GRIN2B: variants seen among roughly 807,000 people sequenced by gnomAD.
GRIN2B encodes the protein glutamate receptor ionotropic, NMDA 2B.
A neutral mutation model predicts 114.5 loss-of-function variants in GRIN2B; 5 were observed. The observed-to-expected ratio is 0.04, with a 90% CI of 0.02 to 0.09. The LOEUF (loss-of-function observed/expected upper bound fraction) is 0.09, where lower values mean the gene tolerates loss of function less well. GRIN2B is among the 10% of genes least tolerant of loss of function. The pLI, the probability that GRIN2B is intolerant of heterozygous loss-of-function variation, is 1.00. For missense variants in GRIN2B, 1,108 were observed against 1,943.5 expected (o/e 0.57, Z 8.08); for synonymous variants, 787 against 745.1 (o/e 1.06, Z -0.92).
At chr12:13,961,485 A>G (rs1323593900) in intron 2 of GRIN2B, among the ~76,000 whole-genome samples, 1 of 152,254 alleles carries the variant, frequency 6.6e-6, no homozygotes, top group Non-Finnish European at 1.5e-5. Flanking sequence ...GCAAGAATCC[A>G]TAAATCCAAC....
chr12:13,948,196 ACCACATTG>A lies in GRIN2B; in HGVS notation c.-19+31724_-19+31731del, dbSNP rs557765489. Among the ~76,000 whole-genome samples, 28 of 152,264 alleles carry A rather than the reference ACCACATTG, an allele frequency of 1.8e-4. No individual in the cohort carries two copies. The East Asian group carries it at 4.4e-3, about 24-fold the overall frequency. ...GAAAGAAGGTTCTGGGGCAAATATA[ACCACATTG>A]CCTCACAGAAAAAGCCTAAAGAAAG... On this transcript the variant is annotated intron_variant, in intron 2 of 13. Coordinates refer to ENST00000609686, the MANE Select transcript of GRIN2B (RefSeq NM_000834.5).
intron 12 of GRIN2B, among the ~76,000 whole-genome samples, chr12:13,568,724 G>T (rs1018178084): frequency 6.6e-6 from 1 of 152,202 alleles, no homozygotes; most frequent in Non-Finnish European, 1.5e-5. Context: ...CAAGGGTCTG[G>T]CTGCTCATCC....
chr12:13,836,891 T>C (rs1200902747), intron 3 of GRIN2B, among the ~76,000 whole-genome samples: 1 of 152,232 alleles, frequency 6.6e-6, no homozygotes, highest in Non-Finnish European at 1.5e-5. Context: ...GGTAACCTGA[T>C]GAGCCCCGTA....
rs1948553764 is a variant in GRIN2B at position 13,562,168 on chromosome 12, C to T, written c.*615G>A. 1 of 153,696 alleles carries T rather than the reference C, an allele frequency of 6.5e-6. No individual in the cohort carries two copies. The highest frequency in any genetic ancestry group is 1.9e-4 in the East Asian group (1 of 5,202). The allele number at this position is 153,696 out of a possible 1,614,324, so 9.5% of individuals were successfully genotyped here. A position where few individuals can be genotyped will look rare whatever the true frequency, so the allele number is the denominator to read the frequency against. ...AATGACCTTTTGTTCTGTTCACCAC[C>T]ACTATCGAGTCTCATGGGGTTGAAG... On this transcript the variant is annotated 3_prime_UTR_variant, in exon 14 of 14. Coordinates refer to ENST00000609686, the MANE Select transcript of GRIN2B (RefSeq NM_000834.5).
At position 13,546,186 on chromosome 12, in the gene GRIN2B, C is replaced by T. The variant is rs4764009; in HGVS notation, c.*16597G>A. On this transcript the variant is annotated 3_prime_UTR_variant, in exon 14 of 14. Coordinates refer to ENST00000609686, the MANE Select transcript of GRIN2B (RefSeq NM_000834.5). ...TTCAGTTCTCAGTGCCCCTTGGCTT[C>T]CCAATTTAAGTCAATGTAATCACAA... 38,723 of 152,116 alleles carry T rather than the reference C, an allele frequency of 0.25. 5,675 individuals are homozygous for T. The highest frequency in any genetic ancestry group is 0.51 in the East Asian group (2,641 of 5,168). 9.4% of individuals were successfully genotyped at this position (152,116 alleles called of 1,614,324 possible).
chr12:13,728,347 A>T (rs1863027233), intron 4 of GRIN2B, among the ~76,000 whole-genome samples: 1 of 152,178 alleles, frequency 6.6e-6, no homozygotes, highest in Admixed American at 6.5e-5. Context: ...ATTTTTTTCA[A>T]CCAGTTTTAG....
chr12:13,962,213 A>G (rs1025747824), intron 2 of GRIN2B, among the ~76,000 whole-genome samples: 2 of 151,708 alleles, frequency 1.3e-5, no homozygotes, highest in Non-Finnish European at 2.9e-5. Context: ...CTGGGCTTGA[A>G]CCCAACTGCA....
rs376328340 is a variant in GRIN2B at position 13,564,377 on chromosome 12, C to T, written c.2861G>A (p.Cys954Tyr). The T allele has an allele frequency of 3.1e-6, 5 of 1,614,104 alleles. No individual in the cohort carries two copies. Among genetic ancestry groups the T allele is most frequent in the African/African-American group, 2.7e-5 (2 of 74,930 alleles). The change falls in exon 14 of 14, where the codon TGT becomes TAT. Residue 954 changes from cysteine to tyrosine, a missense_variant. This residue lies in a region of GRIN2B where 140 missense variants were observed against 187.5 expected (regional missense o/e 0.75). Coordinates refer to ENST00000609686, the MANE Select transcript of GRIN2B (RefSeq NM_000834.5). This position sits in a 1 kb window ranked among gnomAD's most constrained non-coding sequence, Gnocchi z 4.8. ...SDCKSYNNPP[C>Y]EENLFSDYIS... ...GTAGTCACTGAAGAGGTTCTCCTCACAGGGCGGGTTGTTGTAGGATTTGCA... is the reference window on the plus strand; with the variant it reads ...GTAGTCACTGAAGAGGTTCTCCTCATAGGGCGGGTTGTTGTAGGATTTGCA...
At chr12:13,760,387 T>C (rs1863656952) in intron 3 of GRIN2B, among the ~76,000 whole-genome samples, 1 of 152,204 alleles carries the variant, frequency 6.6e-6, no homozygotes, top group Non-Finnish European at 1.5e-5. Flanking sequence ...TAACCTATCT[T>C]TGTTGGCTAT....
At position 13,938,709 on chromosome 12, in the gene GRIN2B, G is replaced by A. The variant is rs111905215; in HGVS notation, c.-19+41219C>T. ...TGTGGGGATACAGATAAGAGTGATA[G>A]TTGTCTTGGGTAGGGAACTGGTGAG... On this transcript the variant is annotated intron_variant, in intron 2 of 13. Transcript: ENST00000609686. Among the ~76,000 whole-genome samples the A allele has an allele frequency of 2.5e-3, 385 of 152,312 alleles. 3 individuals are homozygous for A. The highest frequency in any genetic ancestry group is 8.8e-3 in the African/African-American group (367 of 41,556).
chr12:13,711,635 T>C (rs1046007957), intron 4 of GRIN2B, among the ~76,000 whole-genome samples: 2 of 151,956 alleles, frequency 1.3e-5, no homozygotes, highest in African/African-American at 4.8e-5. Flanking sequence ...AAAATGCTCA[T>C]CATCACTGGC....
chr12:13,695,115 G>C (rs2136562390), intron 4 of GRIN2B, among the ~76,000 whole-genome samples: 1 of 152,264 alleles, frequency 6.6e-6, no homozygotes, highest in East Asian at 1.9e-4. Context: ...ATTCACCAAA[G>C]AGAGAAAACT....
intron 2 of GRIN2B, among the ~76,000 whole-genome samples, chr12:13,892,682 A>T (rs941848043): frequency 3.9e-5 from 6 of 152,200 alleles, no homozygotes; most frequent in Admixed American, 3.9e-4. Context: ...CCTTGTAAAT[A>T]CAAAACAGTC....
At chr12:13,611,904 C>A in intron 8 of GRIN2B, 54 bp from the exon 9 acceptor site, 1 of 1,577,888 alleles carries the variant, frequency 6.3e-7, no homozygotes, top group Non-Finnish European at 8.7e-7. Flanking sequence ...CAAAAGAATT[C>A]GAATTAATTC....
intron 2 of GRIN2B, among the ~76,000 whole-genome samples, chr12:13,941,057 A>G (rs1867239646): frequency 9.8e-6 from 1 of 101,732 alleles, no homozygotes; most frequent in Non-Finnish European, 1.9e-5. Flanking sequence ...GAAAGCAGAC[A>G]CACATATGTT....
chr12:13,579,458 T>C (rs145505448), intron 10 of GRIN2B, among the ~76,000 whole-genome samples: 14 of 152,354 alleles, frequency 9.2e-5, no homozygotes, highest in African/African-American at 3.4e-4. Context: ...GGGCTGCTAA[T>C]AGCACCTACC....
chr12:13,919,080 T>C (rs768523764), intron 2 of GRIN2B, among the ~76,000 whole-genome samples: 9 of 152,328 alleles, frequency 5.9e-5, no homozygotes, highest in Non-Finnish European at 1.2e-4. Context: ...CTGAGTTTCT[T>C]TTCCTCCACA....
chr12:13,627,978 C>G (rs1949585274), intron 5 of GRIN2B, among the ~76,000 whole-genome samples: 1 of 152,198 alleles, frequency 6.6e-6, no homozygotes, highest in East Asian at 1.9e-4. Flanking sequence ...TTAGGGGTTC[C>G]CAAACCAAGT....
intron 3 of GRIN2B, among the ~76,000 whole-genome samples, chr12:13,817,012 T>C (rs1164457346): frequency 6.6e-6 from 1 of 152,152 alleles, no homozygotes; most frequent in Non-Finnish European, 1.5e-5. Context: ...AGCATACAAA[T>C]ACAAAGGATT....
Sources: allele counts gnomAD v4.1 joint callset (sites outside exome capture counted in the v4.1 genomes callset), GRCh38; gene constraint gnomAD v4.1.1; regional missense constraint gnomAD v4.1.1; non-coding constraint Gnocchi (gnomAD v3.1); transcripts MANE v1.5; gene names NCBI Gene and HGNC (gene_info 2026-07-23, HGNC 2026-07-21).